SLC4A8: variants seen among roughly 807,000 people sequenced by gnomAD.
The protein encoded by SLC4A8 is electroneutral sodium bicarbonate exchanger 1.
A neutral mutation model predicts 125.0 loss-of-function variants in SLC4A8; 40 were observed. The ratio of observed to expected loss-of-function variants is 0.32; its 90% CI spans 0.25 to 0.42. The LOEUF (loss-of-function observed/expected upper bound fraction) is 0.42. Among genes scored for constraint, SLC4A8 ranks in the 10% least tolerant of loss-of-function variants. The pLI, the probability that SLC4A8 is intolerant of heterozygous loss-of-function variation, is 1.00. For synonymous variants in SLC4A8, 456 were observed against 476.0 expected (o/e 0.96, Z 0.55); for missense variants, 863 against 1,355.1 (o/e 0.64, Z 5.70).
chr12:51,419,859 A>G (rs1467379862), upstream of SLC4A8, among the ~76,000 whole-genome samples: 1 of 152,222 alleles, frequency 6.6e-6, no homozygotes, highest in Non-Finnish European at 1.5e-5. Context: ...GATGATGTTG[A>G]TGATGACGAA....
chr12:51,463,410 G>GGGGT (rs898348326), intron 10 of SLC4A8, among the ~76,000 whole-genome samples: 4 of 144,028 alleles, frequency 2.8e-5, no homozygotes, highest in African/African-American at 1.0e-4. Context: ...GAAATTATGG[G>GGGGT]GTGTGTGTGT....
At position 51,457,398 on chromosome 12, in the gene SLC4A8, A is replaced by T; in HGVS notation, c.622A>T (p.Met208Leu). 1.9e-6 allele frequency: 3 copies of T among 1,614,030 alleles called. No individual in the cohort carries two copies. The highest frequency in any genetic ancestry group is 1.1e-5 in the South Asian group (1 of 91,068). ...QELSSDLNDS[M>L]RVKVREALLK... ...ACTGTCCAGTGACCTGAATGACAGC[A>T]TGAGGGTTAAAGTGCGGGAAGCCCT... Residue 208 changes from methionine (M) to leucine (L), a missense_variant, in exon 6 of 25, where the codon ATG becomes TTG. Transcript: ENST00000453097.
intron 2 of SLC4A8, among the ~76,000 whole-genome samples, chr12:51,449,971 G>A (rs909712910): frequency 6.6e-6 from 1 of 152,140 alleles, no homozygotes; most frequent in Non-Finnish European, 1.5e-5. Flanking sequence ...CAAGGCTACA[G>A]TAAGATATGA....
At chr12:51,450,747 G>A (rs1949938087) in intron 2 of SLC4A8, 129 bp from the exon 3 acceptor site, 1 of 976,078 alleles carries the variant, frequency 1.0e-6, no homozygotes, top group Admixed American at 2.5e-5. Flanking sequence ...TTGAAGTTTT[G>A]TTGTTCCAGA....
intron 14 of SLC4A8, 99 bp downstream of exon 14, chr12:51,471,631 A>AC: frequency 1.5e-6 from 2 of 1,361,878 alleles, no homozygotes; most frequent in Non-Finnish European, 2.0e-6. Context: ...TCTGGTCAAG[A>AC]AGTGTCTTGC....
At chr12:51,462,534 G>A in intron 10 of SLC4A8, 78 bp downstream of exon 10, 2 of 1,180,204 alleles carry the variant, frequency 1.7e-6, no homozygotes, top group Non-Finnish European at 2.4e-6. Flanking sequence ...GACCATGTGG[G>A]TATATGCTAA....
intron 22 of SLC4A8, chr12:51,497,569 T>G: frequency 6.5e-6 from 1 of 154,662 alleles, no homozygotes; most frequent in Non-Finnish European, 1.4e-5. Context: ...CCCTCAGCAC[T>G]TGGCATCTTG....
At chr12:51,432,185 G>A (rs1949210250) in intron 1 of SLC4A8, among the ~76,000 whole-genome samples, 1 of 152,078 alleles carries the variant, frequency 6.6e-6, no homozygotes, top group Non-Finnish European at 1.5e-5. Flanking sequence ...GAGGTGGGAG[G>A]ATCACAAGGT....
intron 2 of SLC4A8, among the ~76,000 whole-genome samples, chr12:51,443,068 T>C (rs1949652690): frequency 6.6e-6 from 1 of 152,162 alleles, no homozygotes; most frequent in Non-Finnish European, 1.5e-5. Context: ...CCTTACCACA[T>C]TTTATTTATT....
Position 51,488,788 on chromosome 12 carries a change from C to T in SLC4A8, c.2376C>T (p.Leu792=). ...TVIAAIIPAL[L]CTILIFMDQQ... ...TAGCTGCAATTATCCCAGCTCTTCTCTGTACTATCTTGATATTCATGGATC... is the reference window on the plus strand; with the variant it reads ...TAGCTGCAATTATCCCAGCTCTTCTTTGTACTATCTTGATATTCATGGATC... The change falls in exon 18 of 25, where the codon CTC becomes CTT. Residue 792 remains leucine (L), a synonymous_variant. Transcript: ENST00000453097. 6.2e-7 allele frequency: 1 copy of T among 1,613,488 alleles called. No homozygotes were observed. The highest frequency in any genetic ancestry group is 8.5e-7 in the Non-Finnish European group (1 of 1,179,430).
At chr12:51,438,280 C>T (rs1227707269) in intron 1 of SLC4A8, among the ~76,000 whole-genome samples, 1 of 152,140 alleles carries the variant, frequency 6.6e-6, no homozygotes, top group East Asian at 1.9e-4. Flanking sequence ...CCCTACACTT[C>T]TCCCCCTTGC....
intron 22 of SLC4A8, among the ~76,000 whole-genome samples, chr12:51,498,901 A>AAG (rs1937708279): frequency 8.0e-6 from 1 of 125,590 alleles, no homozygotes; most frequent in Non-Finnish European, 1.7e-5. Flanking sequence ...AAAAAAAAAG[A>AAG]GGCTGGATGT....
chr12:51,484,748 CT>C (rs1440444078), intron 16 of SLC4A8, among the ~76,000 whole-genome samples: 1 of 152,128 alleles, frequency 6.6e-6, no homozygotes, highest in Non-Finnish European at 1.5e-5. Flanking sequence ...TGAGGCAGTC[CT>C]TTTATGATGG....
chr12:51,420,387 T>G (rs1948763450), upstream of SLC4A8, among the ~76,000 whole-genome samples: 1 of 152,212 alleles, frequency 6.6e-6, no homozygotes, highest in African/African-American at 2.4e-5. Context: ...ATGAAAAAAC[T>G]GGTTGCAAAT....
intron 16 of SLC4A8, among the ~76,000 whole-genome samples, chr12:51,484,137 A>G (rs1400923932): frequency 6.6e-6 from 1 of 152,112 alleles, no homozygotes; most frequent in Admixed American, 6.5e-5. Context: ...AGTTAATTAG[A>G]TATTTAGTGT....
At chr12:51,463,232 T>G (rs1950397949) in intron 10 of SLC4A8, among the ~76,000 whole-genome samples, 1 of 152,188 alleles carries the variant, frequency 6.6e-6, no homozygotes, top group African/African-American at 2.4e-5. Context: ...TCTCTAGTTT[T>G]ACAAAATGAG....
chr12:51,428,068 A>G (rs566226075), intron 1 of SLC4A8, among the ~76,000 whole-genome samples: 3 of 152,176 alleles, frequency 2.0e-5, no homozygotes, highest in South Asian at 4.2e-4. Context: ...TGTTTCTTCA[A>G]TACAGTAAGT....
At chr12:51,395,226 C>T (rs1252323889) in intron 1 of SLC4A8, among the ~76,000 whole-genome samples, 1 of 152,168 alleles carries the variant, frequency 6.6e-6, no homozygotes, top group African/African-American at 2.4e-5. Context: ...TCCAAGGTCC[C>T]GTGCATATTC....
intron 2 of SLC4A8, among the ~76,000 whole-genome samples, chr12:51,446,691 C>T (rs1295190099): frequency 1.3e-5 from 2 of 152,228 alleles, no homozygotes; most frequent in African/African-American, 4.8e-5. Context: ...GTCCTAAACA[C>T]ATTCACTTTG....
Sources: allele counts gnomAD v4.1 joint callset (sites outside exome capture counted in the v4.1 genomes callset), GRCh38; gene constraint gnomAD v4.1.1; transcripts MANE v1.5; gene names NCBI Gene and HGNC (gene_info 2026-07-23, HGNC 2026-07-21).